Variants in GOLT1B observed in about 807,000 individuals in gnomAD.
GOLT1B encodes the protein golgi transport 1B, also known as vesicle transport protein GOT1B.
Under a neutral mutation model 15.4 loss-of-function variants are expected in GOLT1B, and 3 were observed. The observed-to-expected ratio is 0.19, with a 90% CI of 0.09 to 0.50. The LOEUF is 0.50. Among genes scored for constraint, GOLT1B ranks in the 20% least tolerant of loss-of-function variants. The pLI is 0.97. For missense variants in GOLT1B, 145 were observed against 160.4 expected (o/e 0.90, Z 0.52); for synonymous variants, 65 against 56.2 (o/e 1.16, Z -0.70).
chr12:21,507,447 C>G (rs1033035308), intron 2 of GOLT1B: 5 of 202,440 alleles, frequency 2.5e-5, no homozygotes, highest in Non-Finnish European at 4.0e-5. Context: ...GTGTACTATG[C>G]TATTCATGTG....
At chr12:21,515,335 GTTTTTAT>G (rs945072080) in intron 4 of GOLT1B, 29 of 777,416 alleles carry the variant, frequency 3.7e-5, no homozygotes, top group African/African-American at 3.2e-4. Context: ...TTTTTTTTAT[GTTTTTAT>G]TTTTTATTTT....
At position 21,516,550 on chromosome 12, in the gene GOLT1B, A is replaced by C. The variant is rs1943757130; in HGVS notation, c.*843A>C. Reference sequence around the variant, plus strand: ...ATAGTATTATTGAAGATACTAAATGATGCAAACCAAATGGATTTTTTCCAT... The same window carrying C: ...ATAGTATTATTGAAGATACTAAATGCTGCAAACCAAATGGATTTTTTCCAT... On this transcript the variant is annotated 3_prime_UTR_variant, in exon 5 of 5. Coordinates refer to ENST00000229314, the MANE Select transcript of GOLT1B (RefSeq NM_016072.5). 6.6e-6 allele frequency: 1 copy of C among 152,054 alleles called. No homozygotes were observed. The highest frequency in any genetic ancestry group is 2.4e-5 in the African/African-American group (1 of 41,442). The allele number at this position is 152,054 out of a possible 1,614,324, so 9.4% of individuals were successfully genotyped here. A position where few individuals can be genotyped will look rare whatever the true frequency, so the allele number is the denominator to read the frequency against.
intron 1 of GOLT1B, among the ~76,000 whole-genome samples, chr12:21,506,666 G>C (rs1214829033): frequency 1.3e-5 from 2 of 151,882 alleles, no homozygotes; most frequent in East Asian, 3.9e-4. Flanking sequence ...CCCATATAAG[G>C]CTTAGAAATT....
Position 21,517,412 on chromosome 12 carries a change from C to T in GOLT1B, c.*1705C>T, listed in dbSNP as rs141524292. The T allele has an allele frequency of 2.0e-5, 3 of 152,504 alleles. No individual in the cohort carries two copies. The highest frequency in any genetic ancestry group is 7.2e-5 in the African/African-American group (3 of 41,546). 9.4% of individuals were successfully genotyped at this position (152,504 alleles called of 1,614,324 possible). A position where few individuals can be genotyped will look rare whatever the true frequency, so the allele number is the denominator to read the frequency against. Reference sequence around the variant, plus strand: ...CTAATGTTCTTCAAAAAAGTAATATCCTCACTTGGAGAGTGTCAAATACAT... The same window carrying T: ...CTAATGTTCTTCAAAAAAGTAATATTCTCACTTGGAGAGTGTCAAATACAT... On this transcript the variant is annotated 3_prime_UTR_variant, in exon 5 of 5. Coordinates refer to ENST00000229314, the MANE Select transcript of GOLT1B (RefSeq NM_016072.5).
At chr12:21,511,612 T>C (rs1056199677) in intron 3 of GOLT1B, among the ~76,000 whole-genome samples, 2 of 152,172 alleles carry the variant, frequency 1.3e-5, no homozygotes, top group Non-Finnish European at 2.9e-5. Context: ...TGATGATAAC[T>C]CATTAGTATA....
In GOLT1B at chr12:21,516,246, T is replaced by C. The variant is rs1438608478; in HGVS notation, c.*539T>C. On this transcript the variant is annotated 3_prime_UTR_variant, in exon 5 of 5. Transcript: ENST00000229314. ...CTTTTTTTTGTAAACATGGTTAAAATAAAACTTTTGTGGTTCTTCTGAATC... is the reference window on the plus strand; with the variant it reads ...CTTTTTTTTGTAAACATGGTTAAAACAAAACTTTTGTGGTTCTTCTGAATC... 2 of 152,154 alleles carry C rather than the reference T, an allele frequency of 1.3e-5. No homozygotes were observed. The highest frequency in any genetic ancestry group is 4.8e-5 in the African/African-American group (2 of 41,454). 9.4% of individuals were successfully genotyped at this position (152,154 alleles called of 1,614,324 possible).
chr12:21,513,532 C>G (rs141939365), intron 4 of GOLT1B, among the ~76,000 whole-genome samples: 1 of 152,014 alleles, frequency 6.6e-6, no homozygotes, highest in Non-Finnish European at 1.5e-5. Flanking sequence ...GAGAGAGTCT[C>G]AAACTCTTGG....
chr12:21,504,581 G>C (rs950634032), intron 1 of GOLT1B: 3 of 508,900 alleles, frequency 5.9e-6, no homozygotes, highest in African/African-American at 5.8e-5. Context: ...TTCACAGACT[G>C]TTGTACCTGC....
intron 1 of GOLT1B, chr12:21,504,571 T>C (rs761249536): frequency 2.0e-6 from 1 of 509,290 alleles, no homozygotes. Flanking sequence ...GAATGCTGAC[T>C]TCACAGACTG....
intron 1 of GOLT1B, among the ~76,000 whole-genome samples, chr12:21,505,225 C>A (rs1408101688): frequency 6.6e-6 from 1 of 152,140 alleles, no homozygotes; most frequent in Non-Finnish European, 1.5e-5. Context: ...CATATACCTT[C>A]CTTTCTAAAA....
At chr12:21,510,273 T>C (rs1295731786) in intron 3 of GOLT1B, among the ~76,000 whole-genome samples, 1 of 152,186 alleles carries the variant, frequency 6.6e-6, no homozygotes, top group African/African-American at 2.4e-5. Flanking sequence ...AAGATCATAG[T>C]GGCTAAGAGA....
In GOLT1B at chr12:21,501,834, TG is replaced by T; in HGVS notation, c.-87del. ...TCCGGAAGACGTGGCGGCTCTCGCC[TG>T]GGCTGTTTCCCGGCTTCATTTCTCC... On this transcript the variant is annotated 5_prime_UTR_variant, in exon 1 of 5. Coordinates refer to ENST00000229314, the MANE Select transcript of GOLT1B (RefSeq NM_016072.5). 1.1e-6 allele frequency: 1 copy of T among 899,736 alleles called. No homozygotes were observed. Among genetic ancestry groups the T allele is most frequent in the Non-Finnish European group, 1.8e-6 (1 of 543,904 alleles). The allele number at this position is 899,736 out of a possible 1,614,324, so 55.7% of individuals were successfully genotyped here. A position where few individuals can be genotyped will look rare whatever the true frequency, so the allele number is the denominator to read the frequency against.
At chr12:21,506,248 T>C (rs922120129) in intron 1 of GOLT1B, among the ~76,000 whole-genome samples, 6 of 152,054 alleles carry the variant, frequency 3.9e-5, no homozygotes, top group African/African-American at 1.4e-4. Flanking sequence ...TTAGGTAAAT[T>C]TGTAGATAAG....
chr12:21,511,051 A>C (rs74389864), intron 3 of GOLT1B, among the ~76,000 whole-genome samples: 3,507 of 152,244 alleles, frequency 0.023, 63 homozygotes, highest in Non-Finnish European at 0.033. Flanking sequence ...GTCTACATGG[A>C]GATAGCTCCA....
At chr12:21,512,851 GC>G (rs1212174829) in intron 4 of GOLT1B, among the ~76,000 whole-genome samples, 3 of 152,048 alleles carry the variant, frequency 2.0e-5, no homozygotes, top group African/African-American at 7.3e-5. Flanking sequence ...AATTGCTTGA[GC>G]CTAGGAGTTC....
rs945372912 is a variant in GOLT1B at position 21,501,900 on chromosome 12, G to T, written c.-24G>T. ...ACCCTGGGCTTTCCGAGGTGCTGTC[G>T]CCGCTGTCCCCACCACTGCAGCCAT... On this transcript the variant is annotated 5_prime_UTR_variant, in exon 1 of 5. Coordinates refer to ENST00000229314, the MANE Select transcript of GOLT1B (RefSeq NM_016072.5). 1 of 1,588,200 alleles carries T rather than the reference G, an allele frequency of 6.3e-7. No homozygotes were observed. Among genetic ancestry groups the T allele is most frequent in the Admixed American group, 1.7e-5 (1 of 59,874 alleles).
chr12:21,515,395 T>C (rs1038894884), intron 4 of GOLT1B: 1 of 589,290 alleles, frequency 1.7e-6, no homozygotes, highest in Non-Finnish European at 2.9e-6. Flanking sequence ...ACAATTTCTT[T>C]ATTCATTGTG....
At chr12:21,509,081 A>G (rs1943700575) in intron 3 of GOLT1B, among the ~76,000 whole-genome samples, 1 of 152,172 alleles carries the variant, frequency 6.6e-6, no homozygotes, top group South Asian at 2.1e-4. Context: ...GCAGATAAAC[A>G]ATAGTATGTG....
chr12:21,517,219 C>G lies in GOLT1B; in HGVS notation c.*1512C>G, dbSNP rs1318243441. ...ACAGAGAACTCCCAATCTTGCTCAT[C>G]TAAATAAGGAAAGACTTGGTGTATA... On this transcript the variant is annotated 3_prime_UTR_variant, in exon 5 of 5. Coordinates refer to ENST00000229314, the MANE Select transcript of GOLT1B (RefSeq NM_016072.5). 6.6e-6 allele frequency: 1 copy of G among 152,368 alleles called. No homozygotes were observed. The highest frequency in any genetic ancestry group is 2.4e-5 in the African/African-American group (1 of 41,400). 9.4% of individuals were successfully genotyped at this position (152,368 alleles called of 1,614,324 possible).
Sources: allele counts gnomAD v4.1 joint callset (sites outside exome capture counted in the v4.1 genomes callset), GRCh38; gene constraint gnomAD v4.1.1; transcripts MANE v1.5; gene names NCBI Gene and HGNC (gene_info 2026-07-23, HGNC 2026-07-21).